The following GLT8D1 variants were observed in gnomAD, a reference collection of about 807,000 sequenced individuals.
GLT8D1 encodes glycosyltransferase 8 domain containing 1.
GLT8D1 carries 41 observed loss-of-function variants against 46.2 expected under a neutral mutation model. The ratio of observed to expected loss-of-function variants is 0.89; its 90% confidence interval spans 0.69 to 1.15. The LOEUF (loss-of-function observed/expected upper bound fraction) is 1.15, where lower values mean the gene tolerates loss of function less well. Ranked by LOEUF, GLT8D1 falls within the 50% of genes most tolerant of loss-of-function variation. GLT8D1 has a pLI of 0.00. For missense variants in GLT8D1, 408 were observed against 449.3 expected, an observed-to-expected ratio of 0.91 and a Z score of 0.83; for synonymous variants, 150 against 154.2, an observed-to-expected ratio of 0.97 and a Z score of 0.20.
At chr3:52,699,578 A>C (rs1263292690) in intron 3 of GLT8D1, among the ~76,000 whole-genome samples, 2 of 152,160 alleles carry the variant, frequency 1.3e-5, no homozygotes, top group Admixed American at 1.3e-4. Flanking sequence ...TGACCTTGTG[A>C]GACGCCCACC....
chr3:52,695,148 C>A (rs747372862), intron 9 of GLT8D1, 42 bp downstream of exon 9: 7 of 1,496,326 alleles, frequency 4.7e-6, no homozygotes, highest in Non-Finnish European at 6.5e-6. Flanking sequence ...TCTTTAGATA[C>A]CAATTCTTTA....
intron 4 of GLT8D1, among the ~76,000 whole-genome samples, chr3:52,697,039 GT>G (rs1277868445): frequency 7.7e-6 from 1 of 130,050 alleles, no homozygotes; most frequent in South Asian, 2.3e-4. Context: ...TCAAATCAGT[GT>G]TTTGTGGCTA....
At chr3:52,704,609 G>A (rs1017218936) in intron 1 of GLT8D1, 6 of 152,032 alleles carry the variant, frequency 3.9e-5, no homozygotes, top group Admixed American at 3.9e-4. Context: ...CCTTCTACAC[G>A]TCCTGAGTCC....
rs1292299103 is a variant in GLT8D1, at chr3:52,697,944, C to A, written c.116-10G>T. 3.2e-6 allele frequency: 5 copies of A among 1,539,592 alleles called. No individual in the cohort carries two copies. Among genetic ancestry groups the A allele is most frequent in the Non-Finnish European group, 4.5e-6 (5 of 1,112,334 alleles). ...CCTACAATTCCTGAATCTGAAAACA[C>A]AAGGAAGGCACTGTGATTACAATCT... is the stretch of plus-strand genomic sequence containing the variant. On this transcript the variant is annotated splice_polypyrimidine_tract_variant and intron_variant, in intron 3 of 9. Coordinates refer to ENST00000266014, the MANE Select transcript of GLT8D1 (RefSeq NM_018446.4).
rs1481528835 is a variant in GLT8D1, at chr3:52,700,359, T to A, written c.18A>T (p.Val6=). 6.2e-7 allele frequency: 1 copy of A among 1,611,804 alleles called. No individual in the cohort carries two copies. Among genetic ancestry groups the A allele is most frequent in the South Asian group, 1.1e-5 (1 of 91,016 alleles). ...CAGCCAGGACCAAGATGATGATGTTTACTGAAATAGATAGGGAAAACCTAT... is the reference window on the plus strand; with the variant it reads ...CAGCCAGGACCAAGATGATGATGTTAACTGAAATAGATAGGGAAAACCTAT... MSFRK[V]NIIILVLAVA... is the part of the protein sequence containing the mutation. The change falls in exon 3 of 10, where the codon GTA becomes GTT. Residue 6 remains valine (V), a splice_region_variant and synonymous_variant. Coordinates refer to ENST00000266014, the MANE Select transcript of GLT8D1 (RefSeq NM_018446.4).
At position 52,697,897 on chromosome 3, in the gene GLT8D1, G is replaced by C. The variant is rs775537311; in HGVS notation, c.153C>G (p.Val51=). 6.2e-7 allele frequency: 1 copy of C among 1,613,526 alleles called. No individual in the cohort carries two copies. The highest frequency in any genetic ancestry group is 2.2e-5 in the East Asian group (1 of 44,880). ...GIVGPQPIDF[V]PNALRHAVDG... is the part of the protein sequence containing the mutation. ...CTACTGCATGTCGGAGAGCATTTGGGACAAAGTCTATAGGTTGAGGCCCTA... is the reference window on the plus strand; with the variant it reads ...CTACTGCATGTCGGAGAGCATTTGGCACAAAGTCTATAGGTTGAGGCCCTA... Residue 51 remains valine (V), a synonymous_variant, in exon 4 of 10, where the codon GTC becomes GTG. Coordinates refer to ENST00000266014, the MANE Select transcript of GLT8D1 (RefSeq NM_018446.4).
At chr3:52,697,437 C>G (rs1452555678) in intron 4 of GLT8D1, 1 of 415,570 alleles carries the variant, frequency 2.4e-6, no homozygotes, top group East Asian at 4.9e-5. Flanking sequence ...TTACTGCTCC[C>G]TTCACTGAGA....
rs972838351 is a variant in GLT8D1, at chr3:52,697,845, C to A, written c.205G>T (p.Val69Phe). Residue 69 changes from valine (V) to phenylalanine (F), a missense_variant, in exon 4 of 10, where the codon GTC (valine) becomes TTC (phenylalanine). Val to Phe is a conservative substitution (Grantham distance 50). Coordinates refer to ENST00000266014, the MANE Select transcript of GLT8D1 (RefSeq NM_018446.4). ...VDGRQEEIPV[V>F]IAASEDRLGG... ...AGCCTGTCTTCAGATGCAGCGATGA[C>A]CACAGGAATCTCCTCTTGTCTCCCA... is the stretch of plus-strand genomic sequence containing the variant. 4 of 1,613,472 alleles carry A rather than the reference C, an allele frequency of 2.5e-6. No homozygotes were observed. The highest frequency in any genetic ancestry group is 2.2e-5 in the East Asian group (1 of 44,886).
At chr3:52,697,152 AG>A (rs2097334585) in intron 4 of GLT8D1, among the ~76,000 whole-genome samples, 1 of 152,248 alleles carries the variant, frequency 6.6e-6, no homozygotes, top group Non-Finnish European at 1.5e-5. Flanking sequence ...AACCATGCAG[AG>A]GGCCACAAGG....
Position 52,697,748 on chromosome 3 carries a change from G to GT in GLT8D1, c.301dup (p.Thr101AsnfsTer16), listed in dbSNP as rs1419470243. On this transcript the variant is annotated frameshift_variant, in exon 4 of 10. Coordinates refer to ENST00000266014, the MANE Select transcript of GLT8D1 (RefSeq NM_018446.4). LOFTEE classifies it high-confidence loss of function. ...GAGATGGTCTGCTGTATTGTTGAGA[G>GT]TAACAATGTAGAAAATCACATTGGA... 6.2e-7 allele frequency: 1 copy of GT among 1,611,660 alleles called. No homozygotes were observed. The highest frequency in any genetic ancestry group is 8.5e-7 in the Non-Finnish European group (1 of 1,177,864).
Position 52,705,770 on chromosome 3 carries a change from C to A in GLT8D1, c.-360G>T, listed in dbSNP as rs537003248. ...CAGCCCGCAGCGGTAACCGCTAGAG[C>A]GTCGCGCCAAGCAGGCGCCGCGGGG... On this transcript the variant is annotated 5_prime_UTR_variant, in exon 1 of 10. Transcript: ENST00000266014. 2.6e-6 allele frequency: 3 copies of A among 1,151,522 alleles called. No individual in the cohort carries two copies. Among genetic ancestry groups the A allele is most frequent in the East Asian group, 3.4e-5 (1 of 29,240 alleles). The allele number at this position is 1,151,522 out of a possible 1,614,324, so 71.3% of individuals were successfully genotyped here.
At position 52,705,463 on chromosome 3, in the gene GLT8D1, A is replaced by T. The variant is rs1430378627; in HGVS notation, c.-53T>A. ...CCCCCTTACACTTTGAAGTGATCGG[A>T]AAGTGATGTGACGCTCCGGGGATCC... On this transcript the variant is annotated 5_prime_UTR_variant, in exon 1 of 10. Coordinates refer to ENST00000266014, the MANE Select transcript of GLT8D1 (RefSeq NM_018446.4). The T allele has an allele frequency of 1.3e-5, 2 of 152,622 alleles. No individual in the cohort carries two copies. Among genetic ancestry groups the T allele is most frequent in the African/African-American group, 4.8e-5 (2 of 41,484 alleles). 9.5% of individuals were successfully genotyped at this position (152,622 alleles called of 1,614,324 possible).
chr3:52,694,742 G>A lies in GLT8D1; in HGVS notation c.*103C>T. On this transcript the variant is annotated 3_prime_UTR_variant, in exon 10 of 10. Transcript: ENST00000266014. ...ACCTAGCTGACACATCTTTTTCCAT[G>A]GCTTGCTACCGATAGGCATTGAAGC... is the stretch of plus-strand genomic sequence containing the variant. The A allele has an allele frequency of 1.2e-6, 1 of 809,820 alleles. No individual in the cohort carries two copies. Among genetic ancestry groups the A allele is most frequent in the Non-Finnish European group, 2.1e-6 (1 of 468,122 alleles). 50.2% of individuals were successfully genotyped at this position (809,820 alleles called of 1,614,324 possible). A position where few individuals can be genotyped will look rare whatever the true frequency, so the allele number is the denominator to read the frequency against.
chr3:52,698,210 G>A (rs2097335899), intron 3 of GLT8D1, among the ~76,000 whole-genome samples: 1 of 152,204 alleles, frequency 6.6e-6, no homozygotes, highest in Admixed American at 6.5e-5. Flanking sequence ...TTTGTATCAA[G>A]AGTTTCCTAA....
chr3:52,704,926 G>T (rs1468332320), intron 1 of GLT8D1: 1 of 152,316 alleles, frequency 6.6e-6, no homozygotes, highest in Non-Finnish European at 1.5e-5. Flanking sequence ...CCTGGTCTTG[G>T]TAACAACCGT....
Position 52,695,567 on chromosome 3 carries a change from A to C in GLT8D1, c.666T>G (p.Leu222=), listed in dbSNP as rs1201050157. Residue 222 remains leucine (L), a synonymous_variant, in exon 8 of 10, where the codon CTT becomes CTG. Transcript: ENST00000266014. ...AGNQYNYIGY[L]DYKKERIRKL... ...TACGAATTCTTTCCTTTTTATAGTC[A>C]AGATAGCCAATGTAATTGTACTAAA... The C allele has an allele frequency of 6.2e-7, 1 of 1,602,590 alleles. No individual in the cohort carries two copies. The highest frequency in any genetic ancestry group is 8.5e-7 in the Non-Finnish European group (1 of 1,169,738).
intron 8 of GLT8D1, 51 bp from the exon 9 acceptor site, chr3:52,695,353 C>A (rs776464699): frequency 1.3e-6 from 2 of 1,546,172 alleles, no homozygotes; most frequent in Non-Finnish European, 1.8e-6. Flanking sequence ...CTGACTAACT[C>A]CTGTTAGTCA....
rs146610056 is a variant in GLT8D1 at position 52,695,151 on chromosome 3, A to G, written c.925+39T>C. ...CCTGAGGATAGTTCTTTAGATACCA[A>G]TTCTTTACTAGCTTATGCCACTGGT... On this transcript the variant is annotated intron_variant, in intron 9 of 9. Coordinates refer to ENST00000266014, the MANE Select transcript of GLT8D1 (RefSeq NM_018446.4). 453 of 1,508,664 alleles carry G rather than the reference A, an allele frequency of 3.0e-4. 1 individual carries two copies. In the African/African-American group the frequency reaches 4.7e-3, roughly 16 times the overall value. The allele number at this position is 1,508,664 out of a possible 1,614,324, so 93.5% of individuals were successfully genotyped here. A position where few individuals can be genotyped will look rare whatever the true frequency, so the allele number is the denominator to read the frequency against.
chr3:52,696,504 A>G (rs1224909555), intron 5 of GLT8D1, 38 bp downstream of exon 5: 1 of 1,155,428 alleles, frequency 8.7e-7, no homozygotes, highest in African/African-American at 1.5e-5. Flanking sequence ...ATTATTTCCT[A>G]ATACTGCCAA....
Sources: gnomAD v4.1 joint callset for allele counts (sites outside exome capture counted in the v4.1 genomes callset) on GRCh38, gnomAD v4.1.1 for gene constraint, MANE v1.5 for transcripts, NCBI Gene and HGNC (gene_info 2026-07-23, HGNC 2026-07-21) for gene names.